Variants in ZNF385D observed in about 807,000 individuals in gnomAD.
ZNF385D encodes zinc finger protein 385D.
In ZNF385D, 15 loss-of-function variants were observed where a neutral mutation model predicts 35.8. That is an observed-to-expected ratio of 0.42 (90% CI 0.28 to 0.64). The LOEUF (loss-of-function observed/expected upper bound fraction) is 0.64. ZNF385D is among the 30% of genes least tolerant of loss of function. The probability of loss-of-function intolerance (pLI) is 0.23; values close to 1 mark genes in which losing one functional copy is unlikely to be tolerated. For missense variants in ZNF385D, 474 were observed against 494.6 expected, an observed-to-expected ratio of 0.96 and a Z score of 0.39; for synonymous variants, 212 against 186.8, an observed-to-expected ratio of 1.13 and a Z score of -1.10.
At position 22,022,281 on chromosome 3, in the gene ZNF385D, A is replaced by G. The variant is rs55968261; in HGVS notation, c.325+146536T>C. 5.1e-4 allele frequency among the ~76,000 whole-genome samples: 78 copies of G among 152,144 alleles called. 1 individual carries two copies. In the East Asian group the frequency reaches 0.015, roughly 28 times the overall value. Reference sequence around the variant, plus strand: ...GAATGTTAGCTATTATCATGTTAACAGTTTTAATTCATAAGTTTATCGTAC... The same window carrying G: ...GAATGTTAGCTATTATCATGTTAACGGTTTTAATTCATAAGTTTATCGTAC... On this transcript the variant is annotated intron_variant, in intron 3 of 5. Coordinates refer to the ZNF385D transcript ENST00000494108.
At chr3:21,727,410 T>C (rs1004163946) in intron 1 of ZNF385D, among the ~76,000 whole-genome samples, 1 of 152,136 alleles carries the variant, frequency 6.6e-6, no homozygotes, top group African/African-American at 2.4e-5. Flanking sequence ...GAGAAAATTT[T>C]TGTAATCTAT....
intron 3 of ZNF385D, among the ~76,000 whole-genome samples, chr3:21,960,688 A>T (rs1300142131): frequency 6.6e-6 from 1 of 152,152 alleles, no homozygotes; most frequent in Non-Finnish European, 1.5e-5. Flanking sequence ...GTTAACCTAA[A>T]TATTAATCAA....
intron 1 of ZNF385D, among the ~76,000 whole-genome samples, chr3:21,717,511 G>A (rs910003341): frequency 1.3e-5 from 2 of 152,142 alleles, no homozygotes; most frequent in Non-Finnish European, 2.9e-5. Flanking sequence ...GCCTCAGCAT[G>A]TCACTCCTCT....
chr3:21,467,542 C>T (rs766034916), intron 4 of ZNF385D, among the ~76,000 whole-genome samples: 3 of 152,128 alleles, frequency 2.0e-5, no homozygotes, highest in Non-Finnish European at 4.4e-5. Flanking sequence ...AGAAAGGGGG[C>T]AAGCTGGCAA....
intron 2 of ZNF385D, among the ~76,000 whole-genome samples, chr3:22,184,473 G>T (rs527283313): frequency 6.6e-6 from 1 of 152,112 alleles, no homozygotes; most frequent in African/African-American, 2.4e-5. Flanking sequence ...TTTTGCATTT[G>T]ATGATGCTCT....
At chr3:22,139,426 T>C (rs957086786) in intron 3 of ZNF385D, among the ~76,000 whole-genome samples, 23 of 152,212 alleles carry the variant, frequency 1.5e-4, no homozygotes, top group African/African-American at 5.5e-4. Flanking sequence ...CATGGAATAC[T>C]ATGCAGCCAT....
chr3:21,464,793 T>G (rs1342190907), intron 4 of ZNF385D, among the ~76,000 whole-genome samples: 1 of 139,388 alleles, frequency 7.2e-6, no homozygotes, highest in Non-Finnish European at 1.5e-5. Flanking sequence ...CCTGCAATAA[T>G]TTCTGGATAA....
chr3:21,764,070 A>G (rs1339239700), intron 3 of ZNF385D, among the ~76,000 whole-genome samples: 3 of 152,108 alleles, frequency 2.0e-5, no homozygotes, highest in African/African-American at 7.2e-5. Context: ...AAGATGGATA[A>G]TCAGGGAGAT....
intron 2 of ZNF385D, among the ~76,000 whole-genome samples, chr3:22,346,766 A>G (rs972579341): frequency 2.6e-5 from 4 of 152,334 alleles, no homozygotes; most frequent in African/African-American, 9.6e-5. Flanking sequence ...TGCATTTTAT[A>G]CTAATCATGA....
At chr3:22,247,813 C>G (rs1185929834) in intron 2 of ZNF385D, among the ~76,000 whole-genome samples, 2 of 151,918 alleles carry the variant, frequency 1.3e-5, no homozygotes, top group Non-Finnish European at 2.9e-5. Flanking sequence ...CCATGTTGGC[C>G]AGGATGGTGT....
At chr3:21,617,543 C>A (rs2064882875) in intron 2 of ZNF385D, among the ~76,000 whole-genome samples, 1 of 152,106 alleles carries the variant, frequency 6.6e-6, no homozygotes, top group Non-Finnish European at 1.5e-5. Context: ...TCGGAACAAC[C>A]CCACGAGAAA....
intron 2 of ZNF385D, among the ~76,000 whole-genome samples, chr3:21,609,505 G>A (rs1480161124): frequency 6.6e-6 from 1 of 152,136 alleles, no homozygotes; most frequent in Non-Finnish European, 1.5e-5. Context: ...GGAAAATGTT[G>A]CCAAATAAAT....
chr3:21,559,438 G>A (rs1320958319), intron 3 of ZNF385D, among the ~76,000 whole-genome samples: 1 of 152,068 alleles, frequency 6.6e-6, no homozygotes, highest in Admixed American at 6.5e-5. Flanking sequence ...TGCCTGGATA[G>A]GAAATTCTGG....
intron 3 of ZNF385D, among the ~76,000 whole-genome samples, chr3:21,793,074 T>C (rs1341070688): frequency 6.6e-6 from 1 of 152,218 alleles, no homozygotes; most frequent in Non-Finnish European, 1.5e-5. Flanking sequence ...AGTTTCTAAA[T>C]GAGATAATTT....
intron 3 of ZNF385D, among the ~76,000 whole-genome samples, chr3:22,134,596 C>T (rs1303764993): frequency 1.3e-5 from 2 of 152,022 alleles, no homozygotes; most frequent in Admixed American, 1.3e-4. Flanking sequence ...CTAAAAGAGG[C>T]CATACCTAAC....
At chr3:21,796,254 G>A (rs1187655728) in intron 3 of ZNF385D, among the ~76,000 whole-genome samples, 1 of 152,112 alleles carries the variant, frequency 6.6e-6, no homozygotes, top group Non-Finnish European at 1.5e-5. Flanking sequence ...CACACATCTA[G>A]CAGCTTAAAC....
intron 3 of ZNF385D, among the ~76,000 whole-genome samples, chr3:21,773,288 C>G (rs2071152197): frequency 6.6e-6 from 1 of 151,666 alleles, no homozygotes; most frequent in African/African-American, 2.4e-5. Context: ...GCTTTTATAC[C>G]TGGAAAGTTC....
At chr3:22,262,740 C>A (rs976804419) in intron 2 of ZNF385D, among the ~76,000 whole-genome samples, 1 of 151,726 alleles carries the variant, frequency 6.6e-6, no homozygotes, top group Admixed American at 6.6e-5. Flanking sequence ...CCTGTACAAA[C>A]TTTTTGGGTT....
At chr3:21,709,741 C>G (rs1357202863) in intron 1 of ZNF385D, among the ~76,000 whole-genome samples, 1 of 152,150 alleles carries the variant, frequency 6.6e-6, no homozygotes, top group Non-Finnish European at 1.5e-5. Context: ...CAATAGTTTT[C>G]CAGTTTTGTA....
Sources: allele counts gnomAD v4.1 joint callset (sites outside exome capture counted in the v4.1 genomes callset), GRCh38; gene constraint gnomAD v4.1.1; transcripts MANE v1.5; gene names NCBI Gene and HGNC (gene_info 2026-07-23, HGNC 2026-07-21).